VSIG10: variants seen among roughly 807,000 people sequenced by gnomAD.
The protein encoded by VSIG10 is V-set and immunoglobulin domain containing 10.
A neutral mutation model predicts 58.7 loss-of-function variants in VSIG10; 48 were observed. The ratio of observed to expected loss-of-function variants is 0.82; its 90% CI spans 0.65 to 1.04. The LOEUF (loss-of-function observed/expected upper bound fraction) is 1.04, where lower values mean the gene tolerates loss of function less well. Among genes scored for constraint, VSIG10 ranks in the 50% least tolerant of loss-of-function variants. The pLI, the probability that VSIG10 is intolerant of heterozygous loss-of-function variation, is 0.00. For synonymous variants in VSIG10, 260 were observed against 267.1 expected, an observed-to-expected ratio of 0.97 and a Z score of 0.26; for missense variants, 628 against 670.0, an observed-to-expected ratio of 0.94 and a Z score of 0.69.
At position 118,074,006 on chromosome 12, in the gene VSIG10, G is replaced by A. The variant is rs903429439; in HGVS notation, c.926-14C>T. 6.5e-7 allele frequency: 1 copy of A among 1,528,432 alleles called. No homozygotes were observed. The highest frequency in any genetic ancestry group is 8.8e-7 in the Non-Finnish European group (1 of 1,138,556). The allele number at this position is 1,528,432 out of a possible 1,614,324, so 94.7% of individuals were successfully genotyped here. ...GGGAGGGACCCCCTGGTGATCAGAA[G>A]GTAAACAAAGACAAATGTTTAAAGA... On this transcript the variant is annotated splice_polypyrimidine_tract_variant and intron_variant, in intron 4 of 8. Coordinates refer to ENST00000359236, the MANE Select transcript of VSIG10 (RefSeq NM_019086.6).
intron 1 of VSIG10, among the ~76,000 whole-genome samples, chr12:118,096,752 A>G (rs2033471856): frequency 6.6e-6 from 1 of 151,278 alleles, no homozygotes; most frequent in Non-Finnish European, 1.5e-5. Context: ...TAACACATAC[A>G]GAGCAGCTGG....
intron 1 of VSIG10, chr12:118,101,888 C>T (rs1015947585): frequency 1.3e-5 from 2 of 152,272 alleles, no homozygotes; most frequent in South Asian, 2.1e-4. Context: ...AATCCCAACA[C>T]TTTGGGAGGC....
At chr12:118,085,733 A>T (rs1477376727) in intron 2 of VSIG10, among the ~76,000 whole-genome samples, 1 of 151,210 alleles carries the variant, frequency 6.6e-6, no homozygotes, top group Non-Finnish European at 1.5e-5. Flanking sequence ...GTGGTGATGC[A>T]CGCCTGTAGT....
chr12:118,097,651 C>T (rs2033501419), intron 1 of VSIG10, among the ~76,000 whole-genome samples: 1 of 150,882 alleles, frequency 6.6e-6, no homozygotes, highest in Non-Finnish European at 1.5e-5. Context: ...AACAAAAGGC[C>T]GGGCTCCACG....
intron 2 of VSIG10, among the ~76,000 whole-genome samples, chr12:118,091,506 A>G (rs1359279956): frequency 6.6e-6 from 1 of 151,808 alleles, no homozygotes; most frequent in Non-Finnish European, 1.5e-5. Context: ...AAAAAAAAAA[A>G]AAGTTTCAGA....
rs374899178 is a variant in VSIG10, at chr12:118,068,199, T to TC, written c.1567+177_1567+178insG. ...ACCATGACCGGCTAATTTTTCTTTT[T>TC]TTTTTTTTTTTTTTTCGTAGAGACA... On this transcript the variant is annotated intron_variant, in intron 8 of 8. Transcript: ENST00000359236. Among the ~76,000 whole-genome samples, 1,099 of 143,712 alleles carry TC rather than the reference T, an allele frequency of 7.6e-3. 21 individuals are homozygous for TC. Among genetic ancestry groups the TC allele is most frequent in the African/African-American group, 0.025 (980 of 39,102 alleles). 94.3% of individuals were successfully genotyped at this position (143,712 alleles called of 152,430 possible).
intron 8 of VSIG10, among the ~76,000 whole-genome samples, chr12:118,067,087 C>T (rs1264499052): frequency 2.6e-5 from 4 of 152,248 alleles, no homozygotes; most frequent in East Asian, 1.9e-4. Flanking sequence ...TGCAGTGGCA[C>T]GATCTCATCT....
At chr12:118,085,849 T>C (rs2033108037) in intron 2 of VSIG10, among the ~76,000 whole-genome samples, 1 of 129,262 alleles carries the variant, frequency 7.7e-6, no homozygotes, top group Admixed American at 8.4e-5. Flanking sequence ...CGAGACTTCG[T>C]CTCAAAAAAA....
At chr12:118,090,476 A>G (rs2033261655) in intron 2 of VSIG10, among the ~76,000 whole-genome samples, 1 of 152,136 alleles carries the variant, frequency 6.6e-6, no homozygotes, top group Non-Finnish European at 1.5e-5. Context: ...GACATAATTC[A>G]ATCCATAGCA....
chr12:118,066,757 G>C, intron 8 of VSIG10, 63 bp from the exon 9 acceptor site: 1 of 1,491,982 alleles, frequency 6.7e-7, no homozygotes. Context: ...TCCACCGTCA[G>C]TCATCAATCA....
intron 1 of VSIG10, among the ~76,000 whole-genome samples, chr12:118,097,848 G>A (rs767634624): frequency 2.0e-5 from 3 of 151,576 alleles, no homozygotes; most frequent in South Asian, 2.1e-4. Flanking sequence ...ACTTGAACCC[G>A]GGAGGCGGAG....
Position 118,073,754 on chromosome 12 carries a change from G to A in VSIG10, c.1164C>T (p.Cys388=). Residue 388 remains cysteine, a synonymous_variant, in exon 5 of 9, where the codon TGC becomes TGT. Transcript: ENST00000359236. ...TCACCCCTACAGGGCTGTCAGCTCG[G>A]CAGATGTAGTAGCCCTCATCCAGGT... ...SQDLDEGYYI[C]RADSPVGVRE... 1 of 1,613,934 alleles carries A rather than the reference G, an allele frequency of 6.2e-7. No individual in the cohort carries two copies. The highest frequency in any genetic ancestry group is 1.3e-5 in the African/African-American group (1 of 75,052).
At chr12:118,091,143 AAAC>A (rs757915112) in intron 2 of VSIG10, among the ~76,000 whole-genome samples, 35 of 151,968 alleles carry the variant, frequency 2.3e-4, no homozygotes, top group Admixed American at 2.0e-4. Context: ...TCAAACAAAC[AAAC>A]AACAACAAAA....
In VSIG10 at chr12:118,066,048, TA is replaced by T. The variant is rs1026673456; in HGVS notation, c.*590del. ...GCCCAGATTCAACTTCAGGTGTTTC[TA>T]ACTCCAAAGCCTGAACCAAACTGCC... is the stretch of plus-strand genomic sequence containing the variant. On this transcript the variant is annotated 3_prime_UTR_variant, in exon 9 of 9. Coordinates refer to ENST00000359236, the MANE Select transcript of VSIG10 (RefSeq NM_019086.6). 1 of 153,476 alleles carries T rather than the reference TA, an allele frequency of 6.5e-6. No homozygotes were observed. Among genetic ancestry groups the T allele is most frequent in the African/African-American group, 2.4e-5 (1 of 41,424 alleles). The allele number at this position is 153,476 out of a possible 1,614,324, so 9.5% of individuals were successfully genotyped here. A position where few individuals can be genotyped will look rare whatever the true frequency, so the allele number is the denominator to read the frequency against.
chr12:118,075,053 A>T (rs186454144), intron 4 of VSIG10, among the ~76,000 whole-genome samples: 2 of 151,004 alleles, frequency 1.3e-5, no homozygotes, highest in East Asian at 3.9e-4. Context: ...TAACCTTATC[A>T]TAAGTATTTA....
At position 118,075,672 on chromosome 12, in the gene VSIG10, C is replaced by T. The variant is rs112010367; in HGVS notation, c.926-1680G>A. Among the ~76,000 whole-genome samples, 964 of 152,166 alleles carry T rather than the reference C, an allele frequency of 6.3e-3. 12 individuals carry two copies. Among genetic ancestry groups the T allele is most frequent in the African/African-American group, 0.022 (917 of 41,524 alleles). ...GCCTGGCCAACTCCAGAAATTTCTCCACCACACCTCGTCTTACATCATAAT... is the reference window on the plus strand; with the variant it reads ...GCCTGGCCAACTCCAGAAATTTCTCTACCACACCTCGTCTTACATCATAAT... On this transcript the variant is annotated intron_variant, in intron 4 of 8. Transcript: ENST00000359236.
intron 2 of VSIG10, among the ~76,000 whole-genome samples, chr12:118,094,757 G>C (rs1274290294): frequency 6.7e-6 from 1 of 149,506 alleles, no homozygotes; most frequent in Non-Finnish European, 1.5e-5. Flanking sequence ...TTTTTTCTGA[G>C]ACGGAGTCTT....
intron 3 of VSIG10, among the ~76,000 whole-genome samples, chr12:118,080,131 G>T (rs1413202380): frequency 6.6e-6 from 1 of 151,566 alleles, no homozygotes; most frequent in Non-Finnish European, 1.5e-5. Context: ...ACTGCGTCTC[G>T]CCTCGCTTTT....
Position 118,079,348 on chromosome 12 carries a change from A to G in VSIG10, c.923T>C (p.Ile308Thr). ...PESGASCMVQ[I>T]RGPSLLSEPM... ...AAGACAAAGCAAAACAGACTCACTG[A>G]TCTGCACCATGCAGCTGGCGCCCGA... The change falls in exon 4 of 9, where the codon ATC (isoleucine) becomes ACC (threonine). Residue 308 changes from isoleucine (I) to threonine (T), a missense_variant and splice_region_variant. Coordinates refer to ENST00000359236, the MANE Select transcript of VSIG10 (RefSeq NM_019086.6). 1 of 1,613,982 alleles carries G rather than the reference A, an allele frequency of 6.2e-7. No homozygotes were observed. The highest frequency in any genetic ancestry group is 8.5e-7 in the Non-Finnish European group (1 of 1,179,882).
Sources: allele counts gnomAD v4.1 joint callset (sites outside exome capture counted in the v4.1 genomes callset), GRCh38; gene constraint gnomAD v4.1.1; transcripts MANE v1.5; gene names NCBI Gene and HGNC (gene_info 2026-07-23, HGNC 2026-07-21).